The following DGKQ variants were observed in gnomAD, a reference collection of about 807,000 sequenced individuals.
The protein encoded by DGKQ is diacylglycerol kinase theta, also known as DAG kinase theta.
In DGKQ, 97 loss-of-function variants were observed where a neutral mutation model predicts 104.2. The observed-to-expected ratio is 0.93, with a 90% confidence interval of 0.79 to 1.10. DGKQ has a LOEUF of 1.10. DGKQ is among the 50% of genes least tolerant of loss of function. DGKQ has a pLI of 0.00. For missense variants in DGKQ, 1,465 were observed against 1,352.1 expected (o/e 1.08, Z -1.31); for synonymous variants, 736 against 595.2 (o/e 1.24, Z -3.44).
At chr4:964,515 C>A (rs1051613936) in intron 15 of DGKQ, among the ~76,000 whole-genome samples, 1 of 149,414 alleles carries the variant, frequency 6.7e-6, no homozygotes, top group Non-Finnish European at 1.5e-5. Context: ...TGCCCTGTCT[C>A]CACGGACCAG....
At chr4:966,251 C>A in intron 12 of DGKQ, 173 bp from the exon 13 acceptor site, 2 of 848,928 alleles carry the variant, frequency 2.4e-6, no homozygotes, top group Non-Finnish European at 1.8e-6. Flanking sequence ...GTGGACAACC[C>A]CTGTCCGTTC....
chr4:967,810 T>G lies in DGKQ; in HGVS notation c.812-8A>C. The G allele has an allele frequency of 6.3e-7, 1 of 1,590,930 alleles. No individual in the cohort carries two copies. ...CGCCGTCGCCCCCCTCGCCTGCGGGTCGGGCACACGGACCCCTCATTCAGT... is the reference window on the plus strand; with the variant it reads ...CGCCGTCGCCCCCCTCGCCTGCGGGGCGGGCACACGGACCCCTCATTCAGT... On this transcript the variant is annotated splice_polypyrimidine_tract_variant and splice_region_variant and intron_variant, in intron 6 of 22. Coordinates refer to ENST00000273814, the MANE Select transcript of DGKQ (RefSeq NM_001347.4).
Position 961,689 on chromosome 4 carries a change from T to C in DGKQ, c.2461A>G (p.Ser821Gly). 6.2e-7 allele frequency: 1 copy of C among 1,612,428 alleles called. No individual in the cohort carries two copies. Among genetic ancestry groups the C allele is most frequent in the Non-Finnish European group, 8.5e-7 (1 of 1,179,876 alleles). The change falls in exon 20 of 23, where the codon AGC becomes GGC. Residue 821 changes from serine to glycine, a missense_variant and splice_region_variant. Ser to Gly is a moderately conservative substitution (Grantham distance 56). Transcript: ENST00000273814. ...IEGLIFINIP[S>G]WGSGADLWGS... ...CTGGGGAGCCCCGCCCGCGAGCACC[T>C]GGGGATGTTGATGAAGATGAGGCCT... is the stretch of plus-strand genomic sequence containing the variant.
In DGKQ at chr4:962,457, G is replaced by T. The variant is rs528009075; in HGVS notation, c.2192C>A (p.Thr731Lys). ...TACCTTGGGGGGCTCTGCGTCTGCCGTGTCGTTCTCTGCACTGCCAGCCTC... is the reference window on the plus strand; with the variant it reads ...TACCTTGGGGGGCTCTGCGTCTGCCTTGTCGTTCTCTGCACTGCCAGCCTC... ...AHEAGSAEND[T>K]ADAEPPKIVQ... The change falls in exon 18 of 23, where the codon ACG becomes AAG. Residue 731 changes from threonine (T) to lysine (K), a missense_variant. By Grantham distance (78) the Thr-to-Lys change is moderately conservative (BLOSUM62 -1). Coordinates refer to ENST00000273814, the MANE Select transcript of DGKQ (RefSeq NM_001347.4). 6.3e-7 allele frequency: 1 copy of T among 1,594,176 alleles called. No individual in the cohort carries two copies.
intron 5 of DGKQ, 106 bp downstream of exon 5, chr4:968,176 C>T (rs1333295958): frequency 2.8e-6 from 2 of 710,802 alleles, no homozygotes; most frequent in Non-Finnish European, 4.2e-6. Flanking sequence ...CACCTGGAAC[C>T]CGCGCCTCTC....
chr4:969,384 T>C (rs1376567472), intron 2 of DGKQ, among the ~76,000 whole-genome samples: 1 of 152,310 alleles, frequency 6.6e-6, no homozygotes, highest in East Asian at 1.9e-4. Flanking sequence ...TGGGAGATAA[T>C]CTGGCCATAA....
chr4:967,109 A>G lies in DGKQ; in HGVS notation c.1220+20T>C, dbSNP rs1416439420. 2 of 1,560,284 alleles carry G rather than the reference A, an allele frequency of 1.3e-6. No individual in the cohort carries two copies. Among genetic ancestry groups the G allele is most frequent in the Non-Finnish European group, 1.7e-6 (2 of 1,150,260 alleles). On this transcript the variant is annotated intron_variant, in intron 9 of 22. Transcript: ENST00000273814. ...CCCCCACCCCGCCCAGCAGACCCTGAGCCTCGGGCCCAGTCTCACTTGAGC... is the reference window on the plus strand; with the variant it reads ...CCCCCACCCCGCCCAGCAGACCCTGGGCCTCGGGCCCAGTCTCACTTGAGC...
intron 2 of DGKQ, among the ~76,000 whole-genome samples, chr4:970,345 A>G (rs952972624): frequency 7.9e-5 from 12 of 152,202 alleles, no homozygotes; most frequent in Non-Finnish European, 1.6e-4. Flanking sequence ...CTGAGGGAGG[A>G]ATAAGCCTGG....
chr4:967,390 G>A lies in DGKQ; in HGVS notation c.988-29C>T, dbSNP rs1182445507. The stretch of plus-strand genomic sequence containing the variant: ...CAGGGCACCAGGTTAGAGGGGCCAA[G>A]TTGTGGGGGGTCAGGCGGGGTTCAG... On this transcript the variant is annotated intron_variant, in intron 8 of 22. Transcript: ENST00000273814. The A allele has an allele frequency of 2.8e-6, 4 of 1,425,696 alleles. No homozygotes were observed. In the East Asian group the frequency reaches 7.5e-5, roughly 27 times the overall value. The allele number at this position is 1,425,696 out of a possible 1,614,324, so 88.3% of individuals were successfully genotyped here.
Position 968,309 on chromosome 4 carries a change from G to A in DGKQ, c.636C>T (p.Gly212=), listed in dbSNP as rs375285071. The A allele has an allele frequency of 1.8e-4, 196 of 1,119,576 alleles. No homozygotes were observed. The highest frequency in any genetic ancestry group is 2.1e-4 in the Non-Finnish European group (189 of 903,368). The allele number at this position is 1,119,576 out of a possible 1,614,324, so 69.4% of individuals were successfully genotyped here. ...GGACCCCGCACCACTCGCAGCGCAC[G>A]CCGGCCAGCACGTCAGAGGAGCCGC... ...KTCGSSDVLA[G]VRCEWCGVQA... is the part of the protein sequence containing the mutation. Residue 212 remains glycine (G), a synonymous_variant, in exon 5 of 23, where the codon GGC becomes GGT. Transcript: ENST00000273814.
At position 967,978 on chromosome 4, in the gene DGKQ, C is replaced by G. The variant is rs978448682; in HGVS notation, c.713G>C (p.Arg238Pro). Residue 238 changes from arginine (R) to proline (P), a missense_variant, in exon 6 of 23, where the codon CGT (arginine) becomes CCT (proline). Transcript: ENST00000273814. ...GGGAGGCAGGACCAGGGAGCGCAGACGCCCGAAGCCACACTCGGGAGCCAG... is the reference window on the plus strand; with the variant it reads ...GGGAGGCAGGACCAGGGAGCGCAGAGGCCCGAAGCCACACTCGGGAGCCAG... ...AALAPECGFG[R>P]LRSLVLPPAC... 7 of 1,477,838 alleles carry G rather than the reference C, an allele frequency of 4.7e-6. No individual in the cohort carries two copies. Among genetic ancestry groups the G allele is most frequent in the Admixed American group, 4.9e-5 (2 of 40,450 alleles). The allele number at this position is 1,477,838 out of a possible 1,614,324, so 91.5% of individuals were successfully genotyped here.
rs768600987 is a variant in DGKQ at position 965,996 on chromosome 4, C to A, written c.1511G>T (p.Gly504Val). ...DVAPHVSLFV[G>V]GLPPGLSPEE... is the part of the protein sequence containing the mutation. ...GGGAGACAGGCCGGGAGGCAGGCCG[C>A]CAACAAACAGGGAGACGTGCGGGGC... Residue 504 changes from glycine to valine, a missense_variant, in exon 13 of 23, where the codon GGC (glycine) becomes GTC (valine). By Grantham distance (109) the Gly-to-Val change is moderately radical. Coordinates refer to ENST00000273814, the MANE Select transcript of DGKQ (RefSeq NM_001347.4). 6.2e-7 allele frequency: 1 copy of A among 1,605,866 alleles called. No individual in the cohort carries two copies. Among genetic ancestry groups the A allele is most frequent in the Admixed American group, 1.7e-5 (1 of 59,026 alleles).
At position 961,208 on chromosome 4, in the gene DGKQ, C is replaced by T. The variant is rs369222961; in HGVS notation, c.2575-7G>A. 1.0e-4 allele frequency: 155 copies of T among 1,542,294 alleles called. No homozygotes were observed. Among genetic ancestry groups the T allele is most frequent in the South Asian group, 1.4e-4 (11 of 80,472 alleles). On this transcript the variant is annotated splice_region_variant and splice_polypyrimidine_tract_variant and intron_variant, in intron 21 of 22. Transcript: ENST00000273814. Reference sequence around the variant, plus strand: ...GCCCACCCTGGACCTGGCCCTGGGGCGGGAGAGGCCAGCCGGGCTCAGCGG... The same window carrying T: ...GCCCACCCTGGACCTGGCCCTGGGGTGGGAGAGGCCAGCCGGGCTCAGCGG...
chr4:972,804 C>T (rs1713039413), intron 1 of DGKQ, among the ~76,000 whole-genome samples: 1 of 152,104 alleles, frequency 6.6e-6, no homozygotes, highest in Non-Finnish European at 1.5e-5. Flanking sequence ...AGGGCCCGGC[C>T]TGGCTCTCCA....
Position 973,336 on chromosome 4 carries a change from G to GC in DGKQ, c.146dup (p.Val50ArgfsTer49). 1 of 1,399,922 alleles carries GC rather than the reference G, an allele frequency of 7.1e-7. No homozygotes were observed. The highest frequency in any genetic ancestry group is 9.4e-7 in the Non-Finnish European group (1 of 1,067,962). 86.7% of individuals were successfully genotyped at this position (1,399,922 alleles called of 1,614,324 possible). ...CGGCAGCGGGGCCCGGGGCTCTGAC[G>GC]CCCGCCCGCTCGGGTCCCGGCCCCG... On this transcript the variant is annotated frameshift_variant, in exon 1 of 23. Coordinates refer to ENST00000273814, the MANE Select transcript of DGKQ (RefSeq NM_001347.4). LOFTEE classifies it high-confidence loss of function.
Position 967,491 on chromosome 4 carries a change from G to C in DGKQ, c.987+58C>G, listed in dbSNP as rs1712488983. Reference sequence around the variant, plus strand: ...TGGGGGAGCCAGGTCAGGTGCGCCAGGTGCGGGGACATGCGGTCCTGGGAG... The same window carrying C: ...TGGGGGAGCCAGGTCAGGTGCGCCACGTGCGGGGACATGCGGTCCTGGGAG... On this transcript the variant is annotated intron_variant, in intron 8 of 22. Coordinates refer to ENST00000273814, the MANE Select transcript of DGKQ (RefSeq NM_001347.4). 3 of 1,561,182 alleles carry C rather than the reference G, an allele frequency of 1.9e-6. No individual in the cohort carries two copies. The African/African-American group carries it at 4.1e-5, about 21-fold the overall frequency.
Position 973,418 on chromosome 4 carries a change from C to A in DGKQ, c.65G>T (p.Ser22Ile). Residue 22 changes from serine (S) to isoleucine (I), a missense_variant, in exon 1 of 23, where the codon AGC becomes ATC. Physicochemically the swap from Ser to Ile is moderately radical, Grantham distance 142. Coordinates refer to ENST00000273814, the MANE Select transcript of DGKQ (RefSeq NM_001347.4). ...WLGGGSPRPG[S>I]PACSPVLGSG... is the part of the protein sequence containing the mutation. ...GCCCAGCACGGGGCTGCAGGCCGGG[C>A]TGCCGGGGCGCGGGGAGCCGCCGCC... is the stretch of plus-strand genomic sequence containing the variant. 1.0e-6 allele frequency: 1 copy of A among 997,894 alleles called. No individual in the cohort carries two copies. The highest frequency in any genetic ancestry group is 1.2e-6 in the Non-Finnish European group (1 of 839,702). 61.8% of individuals were successfully genotyped at this position (997,894 alleles called of 1,614,324 possible). A position where few individuals can be genotyped will look rare whatever the true frequency, so the allele number is the denominator to read the frequency against.
At chr4:972,283 GCATGGCTGTGCC>G (rs914719252) in intron 1 of DGKQ, among the ~76,000 whole-genome samples, 2 of 152,140 alleles carry the variant, frequency 1.3e-5, no homozygotes, top group African/African-American at 4.8e-5. Context: ...CAGGCAGCAG[GCATGGCTGTGCC>G]ATGCTCTGAC....
Position 961,132 on chromosome 4 carries a change from G to A in DGKQ, c.2644C>T (p.Leu882Phe), listed in dbSNP as rs776131078. ...TCCACCTGCACCGGGGTGGCCTTGAGGAGCGTGACTCGGAAGTAGGAACCC... is the reference window on the plus strand; with the variant it reads ...TCCACCTGCACCGGGGTGGCCTTGAAGAGCGTGACTCGGAAGTAGGAACCC... Reference protein sequence around the residue: ...AQGSYFRVTLLKATPVQVDGE... With the variant: ...AQGSYFRVTLFKATPVQVDGE... The change falls in exon 22 of 23, where the codon CTC becomes TTC. Residue 882 changes from leucine to phenylalanine, a missense_variant. Physicochemically the swap from Leu to Phe is conservative, Grantham distance 22. Transcript: ENST00000273814. 4 of 1,608,272 alleles carry A rather than the reference G, an allele frequency of 2.5e-6. No individual in the cohort carries two copies. The highest frequency in any genetic ancestry group is 2.5e-6 in the Non-Finnish European group (3 of 1,178,218).
Sources: gnomAD v4.1 joint callset for allele counts (sites outside exome capture counted in the v4.1 genomes callset) on GRCh38, gnomAD v4.1.1 for gene constraint, MANE v1.5 for transcripts, NCBI Gene and HGNC (gene_info 2026-07-23, HGNC 2026-07-21) for gene names.